The following LMO7 variants were observed in gnomAD, a reference collection of about 807,000 sequenced individuals.
LMO7 encodes the protein LIM domain 7.
A neutral mutation model predicts 206.5 loss-of-function variants in LMO7; 120 were observed. The observed-to-expected ratio is 0.58, with a 90% CI of 0.50 to 0.68. The LOEUF is 0.68. Among genes scored for constraint, LMO7 ranks in the 30% least tolerant of loss-of-function variants. The pLI, the probability that LMO7 is intolerant of heterozygous loss-of-function variation, is 0.00. For missense variants in LMO7, 1,959 were observed against 1,957.9 expected (o/e 1.00, Z -0.01); for synonymous variants, 706 against 681.5 (o/e 1.04, Z -0.56).
chr13:75,695,117 T>TA (rs1833536842), intron 1 of LMO7, among the ~76,000 whole-genome samples: 1 of 152,178 alleles, frequency 6.6e-6, no homozygotes, highest in South Asian at 2.1e-4. Flanking sequence ...CCACCCATAT[T>TA]AACTCCCTTC....
Position 75,796,759 on chromosome 13 carries a change from C to CTACA in LMO7, c.462+12_462+15dup. The CTACA allele has an allele frequency of 6.7e-7, 1 of 1,488,024 alleles. No individual in the cohort carries two copies. The highest frequency in any genetic ancestry group is 1.1e-5 in the South Asian group (1 of 88,404). 92.2% of individuals were successfully genotyped at this position (1,488,024 alleles called of 1,614,324 possible). ...ACAAGCACTGACGAAGGTAAGTAAA[C>CTACA]TACATCTGTGTGAGATTACTGCTGT... On this transcript the variant is annotated intron_variant, in intron 6 of 30. Coordinates refer to ENST00000377534, the MANE Select transcript of LMO7 (RefSeq NM_001306080.2).
intron 2 of LMO7, among the ~76,000 whole-genome samples, chr13:75,723,804 C>T (rs1356556586): frequency 6.6e-6 from 1 of 152,078 alleles, no homozygotes; most frequent in African/African-American, 2.4e-5. Flanking sequence ...ATGTCTTAGT[C>T]TGTTTGGGCT....
At position 75,845,385 on chromosome 13, in the gene LMO7, T is replaced by C; in HGVS notation, c.4150+6T>C. ...TTACTCCACAAATAAAAATGGTAAATGCGATATTTTCCCCCAAACTCCTTC... is the reference window on the plus strand; with the variant it reads ...TTACTCCACAAATAAAAATGGTAAACGCGATATTTTCCCCCAAACTCCTTC... On this transcript the variant is annotated splice_donor_region_variant and intron_variant, in intron 26 of 30. Coordinates refer to ENST00000377534, the MANE Select transcript of LMO7 (RefSeq NM_001306080.2). The C allele has an allele frequency of 6.4e-7, 1 of 1,566,820 alleles. No individual in the cohort carries two copies.
intron 6 of LMO7, among the ~76,000 whole-genome samples, chr13:75,799,788 G>A (rs660942): frequency 0.61 from 92,258 of 151,998 alleles, 29,077 homozygotes; most frequent in East Asian, 0.92. Flanking sequence ...CATGATTACT[G>A]TAAGTCAGGA....
intron 19 of LMO7, among the ~76,000 whole-genome samples, chr13:75,837,506 A>G (rs1007159995): frequency 6.6e-6 from 1 of 152,078 alleles, no homozygotes; most frequent in African/African-American, 2.4e-5. Context: ...GGTACATTTT[A>G]TGCCATAGTC....
intron 15 of LMO7, among the ~76,000 whole-genome samples, chr13:75,828,187 G>A (rs1223771848): frequency 6.6e-6 from 1 of 152,160 alleles, no homozygotes; most frequent in East Asian, 1.9e-4. Context: ...GAAAAAGAAG[G>A]CAATTACTGG....
rs150666935 is a variant in LMO7, at chr13:75,649,523, C to T, written c.69+12797C>T. On this transcript the variant is annotated intron_variant, in intron 1 of 30. Coordinates refer to ENST00000377534, the MANE Select transcript of LMO7 (RefSeq NM_001306080.2). ...AACTTGGCAACAGAGTAATCTATCA[C>T]GTGTTGAAAGTATAGATTTGTTGAA... 1.8e-3 allele frequency among the ~76,000 whole-genome samples: 278 copies of T among 152,106 alleles called. 2 individuals carry two copies. The highest frequency in any genetic ancestry group is 6.4e-3 in the African/African-American group (264 of 41,478).
chr13:75,663,145 C>A (rs1258037267), intron 1 of LMO7, among the ~76,000 whole-genome samples: 1 of 151,454 alleles, frequency 6.6e-6, no homozygotes, highest in Non-Finnish European at 1.5e-5. Flanking sequence ...TACTATAAAT[C>A]TCTCTCTCTA....
intron 3 of LMO7, among the ~76,000 whole-genome samples, chr13:75,740,022 TATA>T (rs2046291419): frequency 6.6e-6 from 1 of 152,196 alleles, no homozygotes; most frequent in Non-Finnish European, 1.5e-5. Flanking sequence ...AAAGTACAAA[TATA>T]ATTACTGTTT....
rs1274955963 is a variant in LMO7, at chr13:75,821,563, T to C, written c.2594T>C (p.Phe865Ser). ...ACATCTGTGGTCACACCAAGACCCT[T>C]TGGCTCTCAGACAAGGGGAATCTCA... ...RLTSVVTPRP[F>S]GSQTRGISSL... Residue 865 changes from phenylalanine to serine, a missense_variant, in exon 14 of 31, where the codon TTT (phenylalanine) becomes TCT (serine). Transcript: ENST00000377534. 1 of 1,613,920 alleles carries C rather than the reference T, an allele frequency of 6.2e-7. No homozygotes were observed. Among genetic ancestry groups the C allele is most frequent in the Non-Finnish European group, 8.5e-7 (1 of 1,179,910 alleles).
At position 75,796,636 on chromosome 13, in the gene LMO7, G is replaced by A; in HGVS notation, c.349G>A (p.Val117Ile). 6.3e-7 allele frequency: 1 copy of A among 1,577,942 alleles called. No individual in the cohort carries two copies. The highest frequency in any genetic ancestry group is 1.1e-5 in the South Asian group (1 of 87,300). The change falls in exon 6 of 31, where the codon GTT becomes ATT. Residue 117 changes from valine (V) to isoleucine (I), a missense_variant and splice_region_variant. Coordinates refer to ENST00000377534, the MANE Select transcript of LMO7 (RefSeq NM_001306080.2). ...QEETDRRVKN[V>I]LITLYWLGRK... ...GTTCATGGATTTTTTTTTTTTTAAG[G>A]TTTTGATAACATTGTACTGGCTGGG... is the stretch of plus-strand genomic sequence containing the variant.
rs111729806 is a variant in LMO7, at chr13:75,620,788, A to G, written c.-906A>G. The G allele has an allele frequency of 1.2e-3, 182 of 152,324 alleles. 2 individuals are homozygous for G. Among genetic ancestry groups the G allele is most frequent in the African/African-American group, 4.0e-3 (168 of 41,578 alleles). 9.4% of individuals were successfully genotyped at this position (152,324 alleles called of 1,614,324 possible). A position where few individuals can be genotyped will look rare whatever the true frequency, so the allele number is the denominator to read the frequency against. The stretch of plus-strand genomic sequence containing the variant: ...AGCTTTCCCACTAAGTGGCTTTCCC[A>G]CTAAGTGGCTGCGTTATGAAAATTG... On this transcript the variant is annotated 5_prime_UTR_variant, in exon 1 of 30. Coordinates refer to the LMO7 transcript ENST00000341547.
chr13:75,683,094 T>C (rs2040686235), intron 1 of LMO7, among the ~76,000 whole-genome samples: 1 of 150,982 alleles, frequency 6.6e-6, no homozygotes, highest in African/African-American at 2.4e-5. Flanking sequence ...GGAGTTCTGC[T>C]CTGTTGCCCA....
intron 1 of LMO7, among the ~76,000 whole-genome samples, chr13:75,637,599 C>A (rs1015283804): frequency 6.6e-6 from 1 of 152,206 alleles, no homozygotes; most frequent in African/African-American, 2.4e-5. Flanking sequence ...ACAAGCCCTG[C>A]AGTCATTTAG....
At chr13:75,743,733 A>T (rs2046608422) in intron 3 of LMO7, among the ~76,000 whole-genome samples, 1 of 152,106 alleles carries the variant, frequency 6.6e-6, no homozygotes, top group Non-Finnish European at 1.5e-5. Context: ...AGATCAGGAA[A>T]AATAACAAAT....
chr13:75,640,069 T>A (rs1050951374), intron 1 of LMO7, among the ~76,000 whole-genome samples: 8 of 51,992 alleles, frequency 1.5e-4, no homozygotes, highest in Non-Finnish European at 3.3e-4. Flanking sequence ...AATGGAAGTA[T>A]TTTTAGTAAT....
intron 15 of LMO7, among the ~76,000 whole-genome samples, chr13:75,829,977 C>G (rs2058504630): frequency 6.6e-6 from 1 of 152,122 alleles, no homozygotes; most frequent in South Asian, 2.1e-4. Context: ...GCATGAACAA[C>G]TGAAACCACT....
At chr13:75,689,879 G>T (rs2041316315) in intron 1 of LMO7, among the ~76,000 whole-genome samples, 1 of 152,112 alleles carries the variant, frequency 6.6e-6, no homozygotes, top group South Asian at 2.1e-4. Flanking sequence ...AGGGCTTATT[G>T]TGGGACTTGA....
exon 1 of LMO7, chr13:75,621,616 C>T (rs536687412): frequency 1.5e-6 from 1 of 649,956 alleles, no homozygotes; most frequent in Admixed American, 3.5e-5. Flanking sequence ...TATGGTGCTA[C>T]AGTGATAGGG....
Sources: allele counts gnomAD v4.1 joint callset (sites outside exome capture counted in the v4.1 genomes callset), GRCh38; gene constraint gnomAD v4.1.1; transcripts MANE v1.5; gene names NCBI Gene and HGNC (gene_info 2026-07-23, HGNC 2026-07-21).